Variants in KLHL32 observed in about 807,000 individuals in gnomAD.
KLHL32 encodes the protein kelch like family member 32, also known as kelch-like protein 32.
In KLHL32, 35 loss-of-function variants were observed where a neutral mutation model predicts 64.8. The ratio of observed to expected loss-of-function variants is 0.54; its 90% CI spans 0.41 to 0.72. The LOEUF (loss-of-function observed/expected upper bound fraction) is 0.72. Ranked by LOEUF, KLHL32 falls within the 30% of genes least tolerant of loss-of-function variation. The pLI is 0.00. For synonymous variants in KLHL32, 259 were observed against 281.0 expected (o/e 0.92, Z 0.78); for missense variants, 589 against 768.5 (o/e 0.77, Z 2.76).
At chr6:97,105,600 A>G (rs961828559) in intron 6 of KLHL32, 2 of 441,142 alleles carry the variant, frequency 4.5e-6, no homozygotes, top group Non-Finnish European at 9.3e-6. Context: ...CAGCAGAGCT[A>G]TCTGCAACCA....
At chr6:97,097,546 A>C (rs550826422) in intron 6 of KLHL32, among the ~76,000 whole-genome samples, 1 of 152,230 alleles carries the variant, frequency 6.6e-6, no homozygotes, top group Admixed American at 6.5e-5. Flanking sequence ...TCTGGAAATC[A>C]CATTTTATTT....
At position 97,065,864 on chromosome 6, in the gene KLHL32, C is replaced by T. The variant is rs1040841645; in HGVS notation, c.411+1138C>T. ...AGCAACCCTGGAAAATAGGAACCAG[C>T]ACTTCCCAGGGAGACAGTGTGAGGA... On this transcript the variant is annotated intron_variant, in intron 5 of 10. Coordinates refer to ENST00000369261, the MANE Select transcript of KLHL32 (RefSeq NM_052904.4). Among the ~76,000 whole-genome samples, 9 of 152,292 alleles carry T rather than the reference C, an allele frequency of 5.9e-5. No individual in the cohort carries two copies. The East Asian group carries it at 1.7e-3, about 29-fold the overall frequency.
At chr6:96,959,500 G>A (rs887400486) in intron 1 of KLHL32, among the ~76,000 whole-genome samples, 10 of 152,138 alleles carry the variant, frequency 6.6e-5, no homozygotes, top group African/African-American at 1.2e-4. Flanking sequence ...GTGTCCTCAC[G>A]CGGTCTTTCA....
chr6:97,074,361 T>A (rs1791251101), intron 5 of KLHL32, among the ~76,000 whole-genome samples: 1 of 152,178 alleles, frequency 6.6e-6, no homozygotes, highest in African/African-American at 2.4e-5. Flanking sequence ...CACACTGCTT[T>A]TTATCAAGTA....
chr6:97,021,922 T>A (rs1247514560), intron 3 of KLHL32, among the ~76,000 whole-genome samples: 1 of 150,920 alleles, frequency 6.6e-6, no homozygotes, highest in African/African-American at 2.5e-5. Context: ...TGTGTCATCC[T>A]TGACTCTATT....
intron 3 of KLHL32, among the ~76,000 whole-genome samples, chr6:96,991,933 GTCCCTAATCACTGTGC>G (rs1245402169): frequency 6.6e-6 from 1 of 152,164 alleles, no homozygotes; most frequent in Non-Finnish European, 1.5e-5. Flanking sequence ...GTCTATGATA[GTCCCTAATCACTGTGC>G]TCCCTCCCCA....
Position 97,069,818 on chromosome 6 carries a change from T to G in KLHL32, c.411+5092T>G, listed in dbSNP as rs138641418. The stretch of plus-strand genomic sequence containing the variant: ...ACATTTTTTTGTTAAAAATACTTTC[T>G]TCGGGGATTAAATTTGACACTGAGG... On this transcript the variant is annotated intron_variant, in intron 5 of 10. Transcript: ENST00000369261. 1.1e-3 allele frequency among the ~76,000 whole-genome samples: 166 copies of G among 152,270 alleles called. 2 individuals carry two copies. The East Asian group carries it at 0.023, about 21-fold the overall frequency.
At chr6:97,065,026 G>T (rs1201074471) in intron 5 of KLHL32, among the ~76,000 whole-genome samples, 1 of 152,190 alleles carries the variant, frequency 6.6e-6, no homozygotes, top group African/African-American at 2.4e-5. Flanking sequence ...AGCCGGGGGA[G>T]GTGTCGCTAA....
intron 7 of KLHL32, among the ~76,000 whole-genome samples, chr6:97,118,225 G>A (rs1207903059): frequency 6.6e-6 from 1 of 151,984 alleles, no homozygotes; most frequent in East Asian, 1.9e-4. Flanking sequence ...CAGGACTTGG[G>A]TTTTTCTAGT....
the KLHL32 span, among the ~76,000 whole-genome samples, chr6:96,899,417 A>T: frequency 2.0e-5 from 3 of 152,362 alleles, no homozygotes; most frequent in African/African-American, 7.2e-5. Context: ...GCCTGTTAAA[A>T]TATTTTAAAA....
chr6:96,968,935 A>G (rs1026754797), intron 2 of KLHL32, among the ~76,000 whole-genome samples: 1 of 152,148 alleles, frequency 6.6e-6, no homozygotes. Context: ...TTACTCCACA[A>G]ATTGATTGTT....
rs1442107332 is a variant in KLHL32 at position 96,975,849 on chromosome 6, A to C, written c.24-148A>C. On this transcript the variant is annotated intron_variant, in intron 2 of 10. Coordinates refer to ENST00000369261, the MANE Select transcript of KLHL32 (RefSeq NM_052904.4). ...AAAAGGGAGAACAAGAGAATGGTGG[A>C]GAGAAAGAAAATGAGGGAACAGATG... 18 of 471,766 alleles carry C rather than the reference A, an allele frequency of 3.8e-5. No homozygotes were observed. The East Asian group carries it at 5.9e-4, about 15-fold the overall frequency. The allele number at this position is 471,766 out of a possible 1,614,324, so 29.2% of individuals were successfully genotyped here.
chr6:96,910,062 C>T, the KLHL32 span, among the ~76,000 whole-genome samples: 56 of 152,298 alleles, frequency 3.7e-4, no homozygotes, highest in Middle Eastern at 3.4e-3. Flanking sequence ...GACTGCAGCT[C>T]TATTATGAGG....
At chr6:97,124,946 T>A (rs1798725439) in intron 7 of KLHL32, among the ~76,000 whole-genome samples, 1 of 152,188 alleles carries the variant, frequency 6.6e-6, no homozygotes, top group Non-Finnish European at 1.5e-5. Flanking sequence ...GACACACATC[T>A]TGACTATATA....
In KLHL32 at chr6:97,055,796, T is replaced by TAAAAAAAAAAAAAAAAA. The variant is rs750242567; in HGVS notation, c.313-8822_313-8806dup. On this transcript the variant is annotated intron_variant, in intron 4 of 10. Transcript: ENST00000369261. Reference sequence around the variant, plus strand: ...CGAGGTAACAGACTGAGAACCTGTCTAAAAAAAAAAAAAAAAAAAAAAAAA... The same window carrying TAAAAAAAAAAAAAAAAA: ...CGAGGTAACAGACTGAGAACCTGTCTAAAAAAAAAAAAAAAAAAAAAAAAAAAAAAAAAAAAAAAAAA... Among the ~76,000 whole-genome samples the TAAAAAAAAAAAAAAAAA allele has an allele frequency of 2.3e-3, 184 of 81,026 alleles. 26 individuals carry two copies. The highest frequency in any genetic ancestry group is 3.4e-3 in the Non-Finnish European group (124 of 36,478). 53.2% of individuals were successfully genotyped at this position (81,026 alleles called of 152,430 possible). A position where few individuals can be genotyped will look rare whatever the true frequency, so the allele number is the denominator to read the frequency against.
chr6:97,023,562 C>T (rs1282347793), intron 3 of KLHL32, among the ~76,000 whole-genome samples: 1 of 152,164 alleles, frequency 6.6e-6, no homozygotes, highest in Non-Finnish European at 1.5e-5. Context: ...TGCTGAGATT[C>T]ATTTAAAATC....
At chr6:97,021,576 A>C (rs1179659903) in intron 3 of KLHL32, among the ~76,000 whole-genome samples, 1 of 150,934 alleles carries the variant, frequency 6.6e-6, no homozygotes, top group Non-Finnish European at 1.5e-5. Flanking sequence ...TCTACTGATT[A>C]ACATGTTAAT....
chr6:97,119,759 G>A (rs1562359010), intron 7 of KLHL32, among the ~76,000 whole-genome samples: 4 of 152,198 alleles, frequency 2.6e-5, no homozygotes, highest in Admixed American at 2.0e-4. Flanking sequence ...TATACATTTA[G>A]GGAGAGAATG....
intron 6 of KLHL32, among the ~76,000 whole-genome samples, chr6:97,089,709 G>A (rs1793938793): frequency 1.3e-5 from 2 of 151,594 alleles, no homozygotes; most frequent in East Asian, 3.9e-4. Flanking sequence ...TGAAGCGAGA[G>A]GCAGAGGTTG....
Sources: allele counts gnomAD v4.1 joint callset (sites outside exome capture counted in the v4.1 genomes callset), GRCh38; gene constraint gnomAD v4.1.1; transcripts MANE v1.5; gene names NCBI Gene and HGNC (gene_info 2026-07-23, HGNC 2026-07-21).